PKIB: variants seen among roughly 807,000 people sequenced by gnomAD.
PKIB encodes the protein cAMP-dependent protein kinase inhibitor beta.
PKIB carries 2 observed loss-of-function variants against 4.5 expected under a neutral mutation model. The ratio of observed to expected loss-of-function variants is 0.44; its 90% CI spans 0.18 to 1.39. The LOEUF is 1.39. PKIB is among the 40% of genes most tolerant of loss of function. PKIB has a pLI of 0.27. For synonymous variants in PKIB, 38 were observed against 36.0 expected, an observed-to-expected ratio of 1.06 and a Z score of -0.20; for missense variants, 94 against 92.6, an observed-to-expected ratio of 1.02 and a Z score of -0.06.
chr6:122,558,070 T>G (rs1772899949), intron 2 of PKIB, among the ~76,000 whole-genome samples: 2 of 152,132 alleles, frequency 1.3e-5, no homozygotes, highest in Admixed American at 1.3e-4. Context: ...ACTCCATGTT[T>G]CAAAAACACA....
At chr6:122,683,157 T>G (rs1385565647) in intron 3 of PKIB, among the ~76,000 whole-genome samples, 2 of 152,208 alleles carry the variant, frequency 1.3e-5, no homozygotes, top group African/African-American at 2.4e-5. Flanking sequence ...ATTCAGAGCC[T>G]GTATTGGGCT....
upstream of PKIB, among the ~76,000 whole-genome samples, chr6:122,609,739 GCA>G (rs1774671645): frequency 6.6e-6 from 1 of 152,186 alleles, no homozygotes; most frequent in Admixed American, 6.5e-5. Flanking sequence ...CTTTTAAAAA[GCA>G]CAGTGAGACC....
chr6:122,574,137 GAATC>G (rs1423033013), intron 2 of PKIB, among the ~76,000 whole-genome samples: 20 of 152,236 alleles, frequency 1.3e-4, no homozygotes, highest in African/African-American at 4.3e-4. Context: ...ATTAGGCTGA[GAATC>G]AAATCAAGAA....
At chr6:122,601,221 T>C (rs1168505050) in intron 3 of PKIB, among the ~76,000 whole-genome samples, 2 of 152,180 alleles carry the variant, frequency 1.3e-5, no homozygotes, top group East Asian at 1.9e-4. Flanking sequence ...CCAAAGGAGA[T>C]GGGTTGAAGG....
intron 2 of PKIB, among the ~76,000 whole-genome samples, chr6:122,575,950 T>G (rs11968579): frequency 6.6e-6 from 1 of 151,934 alleles, no homozygotes; most frequent in South Asian, 2.1e-4. Context: ...TGAATGAATC[T>G]CAAAAGCATT....
At chr6:122,667,925 C>T (rs1777297574) in intron 2 of PKIB, among the ~76,000 whole-genome samples, 1 of 152,130 alleles carries the variant, frequency 6.6e-6, no homozygotes, top group South Asian at 2.1e-4. Flanking sequence ...AGGAGTGAAG[C>T]AATGGCAATT....
intron 2 of PKIB, among the ~76,000 whole-genome samples, chr6:122,634,906 C>A (rs562232191): frequency 9.2e-5 from 14 of 151,474 alleles, no homozygotes; most frequent in Non-Finnish European, 1.8e-4. Flanking sequence ...CACACCACTG[C>A]ACTCCAGCCT....
chr6:122,613,096 T>G (rs1183898812), intron 1 of PKIB, among the ~76,000 whole-genome samples: 1 of 152,174 alleles, frequency 6.6e-6, no homozygotes, highest in Admixed American at 6.5e-5. Flanking sequence ...TAATGCTAAA[T>G]GAGCATGAAT....
At chr6:122,573,495 C>T (rs1773432458) in intron 2 of PKIB, among the ~76,000 whole-genome samples, 2 of 136,802 alleles carry the variant, frequency 1.5e-5, no homozygotes, top group Non-Finnish European at 3.0e-5. Context: ...GTCCTCCAGC[C>T]GAGGCAACAG....
chr6:122,639,340 G>A (rs1199246720), intron 2 of PKIB, among the ~76,000 whole-genome samples: 1 of 152,154 alleles, frequency 6.6e-6, no homozygotes, highest in African/African-American at 2.4e-5. Context: ...AAGAATGAAG[G>A]TGATCATTAA....
At chr6:122,642,342 C>A (rs373747541) in intron 2 of PKIB, among the ~76,000 whole-genome samples, 215 of 152,250 alleles carry the variant, frequency 1.4e-3, no homozygotes, top group African/African-American at 5.0e-3. Flanking sequence ...TTGCATGGGG[C>A]AAGAGATAGA....
chr6:122,520,665 A>ACCC (rs10650320), intron 2 of PKIB, among the ~76,000 whole-genome samples: 1,561 of 107,808 alleles, frequency 0.014, 11 homozygotes, highest in Middle Eastern at 0.023. Context: ...TTATGTTCCC[A>ACCC]CCCCCCCCCC....
At chr6:122,475,606 T>C (rs1211350849) in intron 1 of PKIB, among the ~76,000 whole-genome samples, 1 of 152,096 alleles carries the variant, frequency 6.6e-6, no homozygotes, top group Non-Finnish European at 1.5e-5. Context: ...GCCAACATGG[T>C]GAAACCCTGT....
At chr6:122,694,616 G>C (rs1279656522) in intron 3 of PKIB, among the ~76,000 whole-genome samples, 1 of 152,098 alleles carries the variant, frequency 6.6e-6, no homozygotes, top group Non-Finnish European at 1.5e-5. Context: ...TCTTTGTGGA[G>C]TGGTGCATAA....
At chr6:122,601,890 A>T (rs1320655425) in intron 3 of PKIB, among the ~76,000 whole-genome samples, 1 of 152,016 alleles carries the variant, frequency 6.6e-6, no homozygotes, top group Non-Finnish European at 1.5e-5. Context: ...TCAACAGGCG[A>T]GGGTTCAGTG....
chr6:122,578,062 A>G (rs760790062), intron 2 of PKIB, among the ~76,000 whole-genome samples: 2 of 152,106 alleles, frequency 1.3e-5, no homozygotes, highest in Non-Finnish European at 2.9e-5. Flanking sequence ...TTATTACAGG[A>G]TAGTTTTAAA....
intron 2 of PKIB, among the ~76,000 whole-genome samples, chr6:122,542,469 G>A (rs1000012417): frequency 6.6e-6 from 1 of 152,084 alleles, no homozygotes; most frequent in Non-Finnish European, 1.5e-5. Context: ...GTTTGCCTGG[G>A]TATCAGCAGC....
chr6:122,561,712 T>C (rs1022303880), intron 2 of PKIB, among the ~76,000 whole-genome samples: 1 of 152,106 alleles, frequency 6.6e-6, no homozygotes, highest in Non-Finnish European at 1.5e-5. Flanking sequence ...AAGTTTGTTT[T>C]GTCTGATATA....
At chr6:122,598,824 G>A (rs2566822) in intron 3 of PKIB, among the ~76,000 whole-genome samples, 58,533 of 151,822 alleles carry the variant, frequency 0.39, 11,809 homozygotes, top group South Asian at 0.58. Context: ...AACTCCCTGA[G>A]CTGCAACATT....
Sources: gnomAD v4.1 joint callset for allele counts (sites outside exome capture counted in the v4.1 genomes callset) on GRCh38, gnomAD v4.1.1 for gene constraint, MANE v1.5 for transcripts, NCBI Gene and HGNC (gene_info 2026-07-23, HGNC 2026-07-21) for gene names.